The following PML variants were observed in gnomAD, a reference collection of about 807,000 sequenced individuals.
PML encodes PML nuclear body scaffold.
Under a neutral mutation model 65.2 loss-of-function variants are expected in PML, and 28 were observed. The observed-to-expected ratio is 0.43, with a 90% CI of 0.32 to 0.59. PML has a LOEUF of 0.59. Ranked by LOEUF, PML falls within the 20% of genes least tolerant of loss-of-function variation. The pLI, the probability that PML is intolerant of heterozygous loss-of-function variation, is 0.08. For missense variants in PML, 1,021 were observed against 1,203.4 expected, an observed-to-expected ratio of 0.85 and a Z score of 2.24; for synonymous variants, 500 against 508.8, an observed-to-expected ratio of 0.98 and a Z score of 0.23.
In PML at chr15:73,998,152, C is replaced by A. The variant is rs531642849; in HGVS notation, c.278C>A (p.Ala93Glu). Residue 93 changes from alanine to glutamate, a missense_variant, in exon 2 of 9, where the codon GCG (alanine) becomes GAG (glutamate). By Grantham distance (107) the Ala-to-Glu change is moderately radical. Coordinates refer to ENST00000268058, the MANE Select transcript of PML (RefSeq NM_033238.3). ...ASGMQCPICQ[A>E]PWPLGADTPA... ...GGCATGCAGTGCCCCATCTGCCAGG[C>A]GCCCTGGCCCCTAGGTGCAGACACA... is the stretch of plus-strand genomic sequence containing the variant. The A allele has an allele frequency of 6.2e-7, 1 of 1,614,194 alleles. No individual in the cohort carries two copies. The highest frequency in any genetic ancestry group is 1.1e-5 in the South Asian group (1 of 91,084).
rs1441386514 is a variant in PML, at chr15:74,043,420, G to C, written c.1861+281G>C. On this transcript the variant is annotated intron_variant, in intron 8 of 8. Coordinates refer to ENST00000268058, the MANE Select transcript of PML (RefSeq NM_033238.3). This position sits in a 1 kb window ranked among gnomAD's most constrained non-coding sequence, Gnocchi z 4.3. ...GTTCTTCTCTCAGACAGAGAGCCTG[G>C]GGAACACACTCCTAGACAGAAACAC... is the stretch of plus-strand genomic sequence containing the variant. 8 of 1,402,864 alleles carry C rather than the reference G, an allele frequency of 5.7e-6. No individual in the cohort carries two copies. The highest frequency in any genetic ancestry group is 1.4e-5 in the African/African-American group (1 of 69,156). The allele number at this position is 1,402,864 out of a possible 1,614,324, so 86.9% of individuals were successfully genotyped here. A position where few individuals can be genotyped will look rare whatever the true frequency, so the allele number is the denominator to read the frequency against.
intron 5 of PML, 121 bp from the exon 6 acceptor site, chr15:74,033,035 G>C: frequency 9.6e-7 from 1 of 1,041,590 alleles, no homozygotes; most frequent in Non-Finnish European, 1.5e-6. Context: ...GCGTGGTTGA[G>C]AGCAGAGGAG....
rs148636537 is a variant in PML, at chr15:74,035,559, G to A, written c.1710+1029G>A. The A allele has an allele frequency of 2.5e-4, 397 of 1,610,704 alleles. 2 individuals carry two copies. In the African/African-American group the frequency reaches 4.7e-3, roughly 19 times the overall value. On this transcript the variant is annotated intron_variant, in intron 7 of 8. Coordinates refer to ENST00000268058, the MANE Select transcript of PML (RefSeq NM_033238.3). This position sits in a 1 kb window ranked among gnomAD's most constrained non-coding sequence, Gnocchi z 4.1. ...CCAAGCCAGCACTCCTGCCATCACA[G>A]GGCCCCTCAACCATCCTGCCAATGC...
chr15:74,023,170 G>A lies in PML; in HGVS notation c.945G>A (p.Arg315=). The change falls in exon 3 of 9, where the codon CGG becomes CGA. Residue 315 remains arginine (R), a synonymous_variant. Transcript: ENST00000268058. The part of the protein sequence containing the change: ...YQRDYEEMAS[R]LGRLDAVLQR... ...GCGACTACGAGGAGATGGCCAGTCG[G>A]CTGGGCCGCCTGGATGCTGTGCTGC... 2 of 1,605,758 alleles carry A rather than the reference G, an allele frequency of 1.2e-6. No individual in the cohort carries two copies. The highest frequency in any genetic ancestry group is 2.2e-5 in the East Asian group (1 of 44,728).
In PML at chr15:74,044,694, G is replaced by A; in HGVS notation, c.2335G>A (p.Ala779Thr). The A allele has an allele frequency of 1.2e-6, 2 of 1,607,404 alleles. No individual in the cohort carries two copies. Among genetic ancestry groups the A allele is most frequent in the African/African-American group, 1.3e-5 (1 of 75,062 alleles). ...CCCCTTCAGTAGCCTGCAGTGCTTT[G>A]CCTCCCTGCAGCCCCTGGTGCAGGC... ...VYPFSSLQCFASLQPLVQAAV... is the reference protein window; with the variant it reads ...VYPFSSLQCFTSLQPLVQAAV... The change falls in exon 9 of 9, where the codon GCC becomes ACC. Residue 779 changes from alanine (A) to threonine (T), a missense_variant. Ala to Thr is a moderately conservative substitution (Grantham distance 58, BLOSUM62 0). Transcript: ENST00000268058.
At position 74,043,573 on chromosome 15, in the gene PML, A is replaced by T. The variant is rs1255454982; in HGVS notation, c.1861+434A>T. On this transcript the variant is annotated intron_variant, in intron 8 of 8. Transcript: ENST00000268058. The surrounding 1 kb of genome is among the most constrained non-coding windows in gnomAD (Gnocchi z 4.3). ...GCTGCCCACAGATCCAAGGTCACAG[A>T]GGGATCAGACCCCTTATCCTGGAAG... Among the ~76,000 whole-genome samples the T allele has an allele frequency of 6.6e-6, 1 of 152,208 alleles. No individual in the cohort carries two copies. Among genetic ancestry groups the T allele is most frequent in the Non-Finnish European group, 1.5e-5 (1 of 68,030 alleles).
Position 74,043,728 on chromosome 15 carries a change from T to C in PML, c.1862-493T>C. 3 of 529,368 alleles carry C rather than the reference T, an allele frequency of 5.7e-6. No homozygotes were observed. The highest frequency in any genetic ancestry group is 4.2e-5 in the South Asian group (3 of 71,654). The allele number at this position is 529,368 out of a possible 1,614,324, so 32.8% of individuals were successfully genotyped here. On this transcript the variant is annotated intron_variant, in intron 8 of 8. Transcript: ENST00000268058. The surrounding 1 kb of genome is among the most constrained non-coding windows in gnomAD (Gnocchi z 4.3). ...CAGCCAGACAGAAACAGCAAGTGTT[T>C]TCATGGTACAGAAAAGTCATTTGCA...
In PML at chr15:74,043,425, C is replaced by T; in HGVS notation, c.1861+286C>T. 7.2e-7 allele frequency: 1 copy of T among 1,392,572 alleles called. No individual in the cohort carries two copies. 86.3% of individuals were successfully genotyped at this position (1,392,572 alleles called of 1,614,324 possible). On this transcript the variant is annotated intron_variant, in intron 8 of 8. Transcript: ENST00000268058. The surrounding 1 kb of genome is among the most constrained non-coding windows in gnomAD (Gnocchi z 4.3). ...TCTCTCAGACAGAGAGCCTGGGGAA[C>T]ACACTCCTAGACAGAAACACAATGC...
At chr15:74,040,443 C>T (rs1330276025) in intron 7 of PML, among the ~76,000 whole-genome samples, 3 of 152,206 alleles carry the variant, frequency 2.0e-5, no homozygotes, top group Non-Finnish European at 4.4e-5. Context: ...CCCCGACACC[C>T]AGTTATCCTA....
At chr15:74,034,707 C>T in intron 7 of PML, 177 bp downstream of exon 7, 1 of 1,523,652 alleles carries the variant, frequency 6.6e-7, no homozygotes, top group South Asian at 1.3e-5. Flanking sequence ...CATGCCTGGA[C>T]CACCCCAGCC....
rs2071740341 is a variant in PML, at chr15:74,043,859, G to T, written c.1862-362G>T. 9.6e-6 allele frequency: 5 copies of T among 520,892 alleles called. No homozygotes were observed. Among genetic ancestry groups the T allele is most frequent in the Non-Finnish European group, 1.8e-5 (5 of 271,278 alleles). The allele number at this position is 520,892 out of a possible 1,614,324, so 32.3% of individuals were successfully genotyped here. A position where few individuals can be genotyped will look rare whatever the true frequency, so the allele number is the denominator to read the frequency against. ...GAGGGGATTGGAGGAAGGAGCATGGGATGGAGAGCTAAGTTCAAGCAGCCT... is the reference window on the plus strand; with the variant it reads ...GAGGGGATTGGAGGAAGGAGCATGGTATGGAGAGCTAAGTTCAAGCAGCCT... On this transcript the variant is annotated intron_variant, in intron 8 of 8. Transcript: ENST00000268058. The surrounding 1 kb of genome is among the most constrained non-coding windows in gnomAD (Gnocchi z 4.3).
intron 6 of PML, chr15:74,033,973 G>A (rs1451270496): frequency 3.1e-6 from 1 of 327,408 alleles, no homozygotes; most frequent in Non-Finnish European, 5.7e-6. Flanking sequence ...GCTTCACCCA[G>A]AGTACAGCTT....
At position 73,999,459 on chromosome 15, in the gene PML, A is replaced by G. The variant is rs571290876; in HGVS notation, c.602+983A>G. ...TGTGATTTGTTTCCTGCTTTAGGAT[A>G]AACTTCCCACACTATCAGAATAAGC... On this transcript the variant is annotated intron_variant, in intron 2 of 8. Transcript: ENST00000268058. 3.3e-5 allele frequency among the ~76,000 whole-genome samples: 5 copies of G among 152,316 alleles called. No homozygotes were observed. In the South Asian group the frequency reaches 1.0e-3, roughly 32 times the overall value.
chr15:73,994,802 A>G lies in PML; in HGVS notation c.-11A>G. Reference sequence around the variant, plus strand: ...AGATCTAAACCGAGAATCGAAACTAAGCTGGGGTCCATGGAGCCTGCACCC... The same window carrying G: ...AGATCTAAACCGAGAATCGAAACTAGGCTGGGGTCCATGGAGCCTGCACCC... On this transcript the variant is annotated 5_prime_UTR_variant, in exon 1 of 9. Transcript: ENST00000268058. The G allele has an allele frequency of 6.4e-7, 1 of 1,552,290 alleles. No homozygotes were observed. The highest frequency in any genetic ancestry group is 8.7e-7 in the Non-Finnish European group (1 of 1,147,700).
In PML at chr15:74,043,228, A is replaced by C. The variant is rs1364899719; in HGVS notation, c.1861+89A>C. 4.2e-5 allele frequency: 68 copies of C among 1,611,312 alleles called. No individual in the cohort carries two copies. Among genetic ancestry groups the C allele is most frequent in the Non-Finnish European group, 5.6e-5 (66 of 1,178,834 alleles). On this transcript the variant is annotated intron_variant, in intron 8 of 8. Coordinates refer to ENST00000268058, the MANE Select transcript of PML (RefSeq NM_033238.3). This position sits in a 1 kb window ranked among gnomAD's most constrained non-coding sequence, Gnocchi z 4.3. ...GCAGGCAGAGCCATCTGCCAGGCCCAGGAGAGCTCTGAGCTCTGGCCAACA... is the reference window on the plus strand; with the variant it reads ...GCAGGCAGAGCCATCTGCCAGGCCCCGGAGAGCTCTGAGCTCTGGCCAACA...
In PML at chr15:74,035,048, T is replaced by A; in HGVS notation, c.1710+518T>A. On this transcript the variant is annotated intron_variant, in intron 7 of 8. Coordinates refer to ENST00000268058, the MANE Select transcript of PML (RefSeq NM_033238.3). This position sits in a 1 kb window ranked among gnomAD's most constrained non-coding sequence, Gnocchi z 4.1. ...TAGTGACCCTTCTGTCCCTAGAGGTTTATTACTAGAGGCTGGACTATCACC... is the reference window on the plus strand; with the variant it reads ...TAGTGACCCTTCTGTCCCTAGAGGTATATTACTAGAGGCTGGACTATCACC... 7.1e-7 allele frequency: 1 copy of A among 1,418,412 alleles called. No individual in the cohort carries two copies. 87.9% of individuals were successfully genotyped at this position (1,418,412 alleles called of 1,614,324 possible).
chr15:74,032,267 C>T (rs757963222), intron 4 of PML: 7 of 434,620 alleles, frequency 1.6e-5, no homozygotes, highest in South Asian at 9.3e-5. Context: ...CGCGGTGGCT[C>T]GTGCCTGTAA....
chr15:74,015,591 G>A (rs950308119), intron 2 of PML, among the ~76,000 whole-genome samples: 2 of 152,202 alleles, frequency 1.3e-5, no homozygotes, highest in African/African-American at 4.8e-5. Context: ...CAACCAACAG[G>A]TGCGGCTATA....
At position 74,011,000 on chromosome 15, in the gene PML, T is replaced by C. The variant is rs111571890; in HGVS notation, c.603-11828T>C. On this transcript the variant is annotated intron_variant, in intron 2 of 8. Coordinates refer to ENST00000268058, the MANE Select transcript of PML (RefSeq NM_033238.3). ...AAGCAAAAGCTGGATTGATGGCTGA[T>C]GTAAGTGCATAGGGGTCAAGCTGGC... Among the ~76,000 whole-genome samples the C allele has an allele frequency of 3.3e-3, 506 of 152,338 alleles. 3 individuals carry two copies. The highest frequency in any genetic ancestry group is 0.012 in the African/African-American group (481 of 41,580).
Sources: allele counts gnomAD v4.1 joint callset (sites outside exome capture counted in the v4.1 genomes callset), GRCh38; gene constraint gnomAD v4.1.1; non-coding constraint Gnocchi (gnomAD v3.1); transcripts MANE v1.5; gene names NCBI Gene and HGNC (gene_info 2026-07-23, HGNC 2026-07-21).